The following NRXN1 variants were observed in gnomAD, a reference collection of about 807,000 sequenced individuals.
NRXN1 encodes the protein neurexin 1.
NRXN1 carries 39 observed loss-of-function variants against 150.9 expected under a neutral mutation model. The observed-to-expected ratio is 0.26, with a 90% CI of 0.20 to 0.34. The LOEUF (loss-of-function observed/expected upper bound fraction) is 0.34, where lower values mean the gene tolerates loss of function less well. Ranked by LOEUF, NRXN1 falls within the 10% of genes least tolerant of loss-of-function variation. The probability of loss-of-function intolerance (pLI) is 1.00; values close to 1 mark genes in which losing one functional copy is unlikely to be tolerated. For missense variants in NRXN1, 1,815 were observed against 1,949.9 expected (o/e 0.93, Z 1.30); for synonymous variants, 924 against 757.0 (o/e 1.22, Z -3.62).
chr2:50,603,174 G>A (rs1676551508), intron 8 of NRXN1, among the ~76,000 whole-genome samples: 2 of 152,190 alleles, frequency 1.3e-5, no homozygotes, highest in Admixed American at 1.3e-4. Flanking sequence ...GCATGGAGCA[G>A]TGGAAGCATA....
intron 18 of NRXN1, among the ~76,000 whole-genome samples, chr2:50,139,063 T>A (rs1706846136): frequency 6.6e-6 from 1 of 152,136 alleles, no homozygotes; most frequent in African/African-American, 2.4e-5. Flanking sequence ...AGGTGGCTCA[T>A]ACCTGTAATC....
At chr2:50,630,186 G>A (rs1212741826) in intron 5 of NRXN1, among the ~76,000 whole-genome samples, 1 of 151,330 alleles carries the variant, frequency 6.6e-6, no homozygotes, top group South Asian at 2.1e-4. Context: ...TCAACTTTAA[G>A]ATTTTTTTGA....
At chr2:50,906,729 A>G (rs1246672795) in intron 5 of NRXN1, among the ~76,000 whole-genome samples, 1 of 152,026 alleles carries the variant, frequency 6.6e-6, no homozygotes, top group Non-Finnish European at 1.5e-5. Context: ...CATTTCTCTT[A>G]CATACTTACA....
At chr2:50,680,664 T>C (rs928605503) in intron 5 of NRXN1, among the ~76,000 whole-genome samples, 2 of 152,102 alleles carry the variant, frequency 1.3e-5, no homozygotes, top group African/African-American at 2.4e-5. Context: ...TAGAAATTGT[T>C]TTAATATAGG....
chr2:50,281,473 T>C (rs2071455688), intron 17 of NRXN1, among the ~76,000 whole-genome samples: 2 of 152,064 alleles, frequency 1.3e-5, no homozygotes, highest in African/African-American at 4.8e-5. Flanking sequence ...TTTCCATAAC[T>C]ATAATAAAGT....
chr2:50,336,584 C>T (rs991760954), intron 17 of NRXN1, among the ~76,000 whole-genome samples: 1 of 152,204 alleles, frequency 6.6e-6, no homozygotes, highest in Non-Finnish European at 1.5e-5. Flanking sequence ...TATAATCAGA[C>T]TCATCACCAC....
intron 5 of NRXN1, among the ~76,000 whole-genome samples, chr2:50,699,900 G>A (rs2104950745): frequency 6.6e-6 from 1 of 152,182 alleles, no homozygotes; most frequent in East Asian, 1.9e-4. Flanking sequence ...AATTCCAATA[G>A]CCCTTGCAGC....
At position 50,495,384 on chromosome 2, in the gene NRXN1, T is replaced by G. The variant is rs1181777196; in HGVS notation, c.3070+521A>C. Among the ~76,000 whole-genome samples the G allele has an allele frequency of 3.1e-5, 4 of 130,006 alleles. No individual in the cohort carries two copies. The East Asian group carries it at 6.5e-4, about 21-fold the overall frequency. The allele number at this position is 130,006 out of a possible 152,430, so 85.3% of individuals were successfully genotyped here. On this transcript the variant is annotated intron_variant, in intron 15 of 22. Coordinates refer to ENST00000401669, the MANE Select transcript of NRXN1 (RefSeq NM_001330078.2). ...TGTGTGTGTGTGTGTGTGTGTGGTG[T>G]GTGTGTGTGTGTGTGTGTGTGTGTG...
At chr2:50,650,651 T>G (rs956284039) in intron 5 of NRXN1, among the ~76,000 whole-genome samples, 8 of 152,012 alleles carry the variant, frequency 5.3e-5, no homozygotes, top group South Asian at 2.1e-4. Flanking sequence ...TGCCAGACAA[T>G]GAAATCTAGA....
intron 17 of NRXN1, among the ~76,000 whole-genome samples, chr2:50,299,753 C>T (rs764356932): frequency 6.6e-6 from 1 of 152,152 alleles, no homozygotes; most frequent in African/African-American, 2.4e-5. Flanking sequence ...CAACTAAACC[C>T]GCTGATCTTG....
At chr2:50,447,061 C>A (rs1054635767) in intron 17 of NRXN1, among the ~76,000 whole-genome samples, 2 of 152,106 alleles carry the variant, frequency 1.3e-5, no homozygotes, top group Admixed American at 6.6e-5. Flanking sequence ...CTGCAACTGT[C>A]ATGTAGTGAG....
intron 5 of NRXN1, among the ~76,000 whole-genome samples, chr2:50,849,469 C>T (rs1674188278): frequency 6.6e-6 from 1 of 152,168 alleles, no homozygotes; most frequent in South Asian, 2.1e-4. Flanking sequence ...AAGGTAAGAG[C>T]CTAACCTCTA....
At chr2:50,148,596 C>T (rs1229618830) in intron 18 of NRXN1, among the ~76,000 whole-genome samples, 1 of 151,632 alleles carries the variant, frequency 6.6e-6, no homozygotes, top group East Asian at 1.9e-4. Flanking sequence ...TCCAGAGGGC[C>T]AATCAGATTT....
chr2:51,012,108 G>C (rs371838861), intron 2 of NRXN1, among the ~76,000 whole-genome samples: 1 of 151,946 alleles, frequency 6.6e-6, no homozygotes, highest in East Asian at 1.9e-4. Context: ...CCAACTCTTA[G>C]ACCTGTAGTT....
At chr2:50,244,819 T>C (rs1024705118) in intron 17 of NRXN1, among the ~76,000 whole-genome samples, 1 of 151,896 alleles carries the variant, frequency 6.6e-6, no homozygotes, top group Non-Finnish European at 1.5e-5. Flanking sequence ...ATTTGACAAA[T>C]ATATGTTATT....
At chr2:50,509,817 T>G (rs765623813) in intron 12 of NRXN1, among the ~76,000 whole-genome samples, 5 of 152,176 alleles carry the variant, frequency 3.3e-5, no homozygotes, top group Admixed American at 2.0e-4. Flanking sequence ...ACTTAATGTG[T>G]GTGTCCCTCA....
At chr2:50,167,628 A>G (rs944193481) in intron 18 of NRXN1, among the ~76,000 whole-genome samples, 4 of 152,092 alleles carry the variant, frequency 2.6e-5, no homozygotes, top group African/African-American at 9.7e-5. Context: ...TCAAAGAGCT[A>G]ATTTATAAAT....
intron 2 of NRXN1, among the ~76,000 whole-genome samples, chr2:51,001,656 T>C (rs1300521960): frequency 6.6e-6 from 1 of 151,992 alleles, no homozygotes; most frequent in Admixed American, 6.6e-5. Flanking sequence ...TTATAAAAAA[T>C]AAAATTCCCA....
intron 17 of NRXN1, among the ~76,000 whole-genome samples, chr2:50,345,879 C>T (rs2077918318): frequency 6.6e-6 from 1 of 152,202 alleles, no homozygotes; most frequent in South Asian, 2.1e-4. Context: ...GGAAGTAAGA[C>T]CTCCCTGGTT....
Sources: allele counts gnomAD v4.1 joint callset (sites outside exome capture counted in the v4.1 genomes callset), GRCh38; gene constraint gnomAD v4.1.1; transcripts MANE v1.5; gene names NCBI Gene and HGNC (gene_info 2026-07-23, HGNC 2026-07-21).